FARP1: variants seen among roughly 807,000 people sequenced by gnomAD.
FARP1 encodes FERM, ARH/RhoGEF and pleckstrin domain protein 1, also known as FERM, ARHGEF and pleckstrin domain-containing protein 1.
In FARP1, 52 loss-of-function variants were observed where a neutral mutation model predicts 128.8. That is an observed-to-expected ratio of 0.40 (90% CI 0.32 to 0.51). FARP1 has a LOEUF of 0.51. Among genes scored for constraint, FARP1 ranks in the 20% least tolerant of loss-of-function variants. The pLI is 0.45. For missense variants in FARP1, 1,333 were observed against 1,367.9 expected, an observed-to-expected ratio of 0.97 and a Z score of 0.40; for synonymous variants, 580 against 551.8, an observed-to-expected ratio of 1.05 and a Z score of -0.72.
intron 3 of FARP1, among the ~76,000 whole-genome samples, chr13:98,352,319 G>C (rs1356375764): frequency 1.3e-5 from 2 of 152,194 alleles, no homozygotes; most frequent in Non-Finnish European, 2.9e-5. Context: ...ACAGGGAAAT[G>C]GTTTGAGAAG....
intron 1 of FARP1, among the ~76,000 whole-genome samples, chr13:98,175,607 T>C (rs575062482): frequency 6.6e-6 from 1 of 152,298 alleles, no homozygotes; most frequent in South Asian, 2.1e-4. Context: ...TATATATATA[T>C]TGATGTGTAA....
chr13:98,446,573 G>C, intron 25 of FARP1, 93 bp from the exon 26 acceptor site: 8 of 1,361,228 alleles, frequency 5.9e-6, no homozygotes, highest in East Asian at 2.3e-5. Flanking sequence ...AGCTGCCTGG[G>C]CTCCCAAGTC....
chr13:98,172,944 C>T (rs1877754236), intron 1 of FARP1, among the ~76,000 whole-genome samples: 2 of 152,016 alleles, frequency 1.3e-5, no homozygotes, highest in Admixed American at 1.3e-4. Flanking sequence ...ATGAAATGTG[C>T]CAAAAAGATG....
chr13:98,180,349 G>C (rs1327253451), intron 1 of FARP1, among the ~76,000 whole-genome samples: 2 of 151,992 alleles, frequency 1.3e-5, no homozygotes, highest in African/African-American at 2.4e-5. Context: ...AGGAAATGGT[G>C]CTAAACCACT....
intron 1 of FARP1, among the ~76,000 whole-genome samples, chr13:98,143,774 T>G (rs906588999): frequency 6.6e-6 from 1 of 150,708 alleles, no homozygotes; most frequent in Admixed American, 6.6e-5. Context: ...GCTGCGGGGC[T>G]CCGCGCCGGT....
rs778172745 is a variant in FARP1 at position 98,385,745 on chromosome 13, C to T, written c.690C>T (p.His230=). 1.7e-5 allele frequency: 27 copies of T among 1,614,052 alleles called. No individual in the cohort carries two copies. The part of the protein sequence containing the change: ...RRLEMYGIRL[H]PAKDREGTKI... Reference sequence around the variant, plus strand: ...TAGAGATGTATGGAATCCGGTTGCACCCGGCCAAGGACAGGGAAGGCACGA... The same window carrying T: ...TAGAGATGTATGGAATCCGGTTGCATCCGGCCAAGGACAGGGAAGGCACGA... The change falls in exon 8 of 27, where the codon CAC becomes CAT. Residue 230 remains histidine (H), a synonymous_variant. Coordinates refer to ENST00000319562, the MANE Select transcript of FARP1 (RefSeq NM_005766.4).
chr13:98,425,922 C>CGA (rs1397008423), intron 17 of FARP1, among the ~76,000 whole-genome samples: 1 of 152,134 alleles, frequency 6.6e-6, no homozygotes. Context: ...TACCTGTACT[C>CGA]ACATTTTAAA....
intron 2 of FARP1, among the ~76,000 whole-genome samples, chr13:98,265,186 G>A (rs1388739997): frequency 8.5e-5 from 13 of 152,292 alleles, no homozygotes; most frequent in Non-Finnish European, 8.8e-5. Context: ...ACATCTCAGT[G>A]TGGTGTCTTG....
At chr13:98,266,331 C>T (rs1455063193) in intron 2 of FARP1, among the ~76,000 whole-genome samples, 1 of 152,190 alleles carries the variant, frequency 6.6e-6, no homozygotes, top group Non-Finnish European at 1.5e-5. Context: ...GCTTCAGTCC[C>T]AGTTCGGCCA....
intron 2 of FARP1, among the ~76,000 whole-genome samples, chr13:98,227,479 G>A (rs916552760): frequency 7.3e-5 from 11 of 151,552 alleles, no homozygotes; most frequent in Non-Finnish European, 1.2e-4. Flanking sequence ...AAAAAAACGA[G>A]TACTGATGAG....
chr13:98,392,738 G>A (rs752726709), intron 11 of FARP1, among the ~76,000 whole-genome samples: 4 of 151,846 alleles, frequency 2.6e-5, no homozygotes, highest in Non-Finnish European at 5.9e-5. Context: ...ACCTGCTTCT[G>A]TGGCCATCCC....
At chr13:98,273,069 A>C (rs1183389690) in intron 2 of FARP1, among the ~76,000 whole-genome samples, 1 of 152,192 alleles carries the variant, frequency 6.6e-6, no homozygotes, top group Non-Finnish European at 1.5e-5. Context: ...TGTATATTTC[A>C]GGGAGACAGG....
At chr13:98,412,284 A>G (rs150899169) in intron 16 of FARP1, among the ~76,000 whole-genome samples, 18 of 152,338 alleles carry the variant, frequency 1.2e-4, no homozygotes, top group Admixed American at 1.2e-3. Context: ...TTATATGATT[A>G]TCACAAAATA....
chr13:98,176,779 T>C lies in FARP1; in HGVS notation c.-24+33287T>C. ...GTCCTTGGGCTTCAGGTACCTCAGG[T>C]AGCTGTGGATTCCCCGGTAGATGTG... On this transcript the variant is annotated intron_variant, in intron 1 of 26. Coordinates refer to ENST00000319562, the MANE Select transcript of FARP1 (RefSeq NM_005766.4). This position sits in a 1 kb window ranked among gnomAD's most constrained non-coding sequence, Gnocchi z 6.2. 6.2e-7 allele frequency: 1 copy of C among 1,613,704 alleles called. No individual in the cohort carries two copies. Among genetic ancestry groups the C allele is most frequent in the Non-Finnish European group, 8.5e-7 (1 of 1,179,982 alleles).
Position 98,410,718 on chromosome 13 carries a change from T to A in FARP1, c.1603-16T>A. On this transcript the variant is annotated splice_polypyrimidine_tract_variant and intron_variant, in intron 14 of 26. Coordinates refer to ENST00000319562, the MANE Select transcript of FARP1 (RefSeq NM_005766.4). ...AAATGATTATTGCGCTTTGTTTCTT[T>A]TGCTGGGTTTTGCAGAGATTCCCAA... 6.8e-7 allele frequency: 1 copy of A among 1,466,202 alleles called. No individual in the cohort carries two copies. Among genetic ancestry groups the A allele is most frequent in the Non-Finnish European group, 9.5e-7 (1 of 1,052,200 alleles). 90.8% of individuals were successfully genotyped at this position (1,466,202 alleles called of 1,614,324 possible).
intron 3 of FARP1, among the ~76,000 whole-genome samples, chr13:98,361,249 G>A (rs1012991219): frequency 6.6e-6 from 1 of 152,178 alleles, no homozygotes; most frequent in Non-Finnish European, 1.5e-5. Flanking sequence ...GCCTGGTTGC[G>A]TTGGGGTGTG....
intron 5 of FARP1, among the ~76,000 whole-genome samples, chr13:98,376,517 C>T (rs1594461919): frequency 1.3e-5 from 2 of 152,304 alleles, no homozygotes; most frequent in Middle Eastern, 3.4e-3. Flanking sequence ...GTCCGTTCAT[C>T]TGTGGATGGA....
chr13:98,321,612 G>C (rs1053457218), intron 2 of FARP1, among the ~76,000 whole-genome samples: 1 of 152,178 alleles, frequency 6.6e-6, no homozygotes, highest in Admixed American at 6.5e-5. Flanking sequence ...CTTTAATATG[G>C]AGGCAGAGAC....
At chr13:98,438,643 G>A (rs1024822636) in intron 19 of FARP1, among the ~76,000 whole-genome samples, 161 bp from the exon 20 acceptor site, 10 of 152,176 alleles carry the variant, frequency 6.6e-5, no homozygotes, top group African/African-American at 2.4e-4. Context: ...CAGGTGGGAG[G>A]AAGCCAGTAG....
Sources: gnomAD v4.1 joint callset for allele counts (sites outside exome capture counted in the v4.1 genomes callset) on GRCh38, gnomAD v4.1.1 for gene constraint, Gnocchi (gnomAD v3.1) non-coding constraint, MANE v1.5 for transcripts, NCBI Gene and HGNC (gene_info 2026-07-23, HGNC 2026-07-21) for gene names.